The following OTOGL variants were observed in gnomAD, a reference collection of about 807,000 sequenced individuals.
OTOGL encodes otogelin like, also known as otogelin-like protein.
In OTOGL, 285 loss-of-function variants were observed where a neutral mutation model predicts 318.5. The ratio of observed to expected loss-of-function variants is 0.89; its 90% confidence interval spans 0.81 to 0.99. The LOEUF is 0.99. Ranked by LOEUF, OTOGL falls within the 50% of genes least tolerant of loss-of-function variation. OTOGL has a pLI of 0.00. For missense variants in OTOGL, 2,899 were observed against 2,845.6 expected (o/e 1.02, Z -0.43); for synonymous variants, 987 against 936.5 (o/e 1.05, Z -0.99).
chr12:80,227,550 T>A (rs1365761672), intron 7 of OTOGL, among the ~76,000 whole-genome samples: 1 of 152,208 alleles, frequency 6.6e-6, no homozygotes, highest in African/African-American at 2.4e-5. Flanking sequence ...GGGAGCTTGT[T>A]GGACTACTGT....
chr12:80,294,669 A>G (rs142199099), intron 26 of OTOGL, among the ~76,000 whole-genome samples: 5 of 152,310 alleles, frequency 3.3e-5, no homozygotes, highest in Non-Finnish European at 5.9e-5. Flanking sequence ...TTAAAAACCT[A>G]TCCTCTAGAC....
At chr12:80,288,608 C>G (rs1242776356) in intron 26 of OTOGL, among the ~76,000 whole-genome samples, 1 of 151,930 alleles carries the variant, frequency 6.6e-6, no homozygotes, top group Non-Finnish European at 1.5e-5. Flanking sequence ...ATTCTGTTTT[C>G]TCTGATCTTG....
intron 47 of OTOGL, 106 bp downstream of exon 47, chr12:80,356,054 A>T: frequency 8.0e-7 from 1 of 1,243,590 alleles, no homozygotes; most frequent in Non-Finnish European, 1.1e-6. Flanking sequence ...AAAAAGGGCC[A>T]TAAATGTCAT....
At position 80,207,205 on chromosome 12, in the gene OTOGL, A is replaced by AT. The variant is rs147539766; in HGVS notation, c.-19-2199dup. On this transcript the variant is annotated intron_variant, in intron 1 of 58. Transcript: ENST00000547103. The stretch of plus-strand genomic sequence containing the variant: ...TTTCCATATGGCTGTTATTTTTGGA[A>AT]TTTTTTTTTCTTTGATATGGAGTTT... Among the ~76,000 whole-genome samples the AT allele has an allele frequency of 4.9e-4, 74 of 151,318 alleles. No homozygotes were observed. The South Asian group carries it at 0.013, about 27-fold the overall frequency.
intron 26 of OTOGL, among the ~76,000 whole-genome samples, chr12:80,283,751 T>TAAACC (rs1884405789): frequency 6.6e-6 from 1 of 152,106 alleles, no homozygotes; most frequent in African/African-American, 2.4e-5. Context: ...ATGTGAAGTT[T>TAAACC]TTAGAGCAGC....
intron 9 of OTOGL, among the ~76,000 whole-genome samples, 162 bp from the exon 10 acceptor site, chr12:80,238,689 T>C (rs1012124718): frequency 6.6e-6 from 1 of 152,218 alleles, no homozygotes; most frequent in African/African-American, 2.4e-5. Flanking sequence ...GTTTTTATTA[T>C]GATAAAGTAA....
At chr12:80,184,749 G>A (rs1875169319) in intron 1 of OTOGL, among the ~76,000 whole-genome samples, 1 of 152,154 alleles carries the variant, frequency 6.6e-6, no homozygotes, top group African/African-American at 2.4e-5. Context: ...CATTGGTTGA[G>A]TTCATGAACA....
chr12:80,279,120 G>T lies in OTOGL; in HGVS notation c.2882G>T (p.Gly961Val). ...GACCGACATTATTATTCTTTTGATG[G>T]ACTAGAATATGACTATATCAGTGAT... ...YGDRHYYSFDGLEYDYISDCQ... is the reference protein window; with the variant it reads ...YGDRHYYSFDVLEYDYISDCQ... Residue 961 changes from glycine (G) to valine (V), a missense_variant, in exon 26 of 59, where the codon GGA becomes GTA. Physicochemically the swap from Gly to Val is moderately radical, Grantham distance 109. Coordinates refer to ENST00000547103, the MANE Select transcript of OTOGL (RefSeq NM_001378609.3). 1 of 1,594,512 alleles carries T rather than the reference G, an allele frequency of 6.3e-7. No individual in the cohort carries two copies.
chr12:80,369,446 T>C (rs570161847), intron 55 of OTOGL, among the ~76,000 whole-genome samples: 3 of 152,108 alleles, frequency 2.0e-5, no homozygotes, highest in Non-Finnish European at 2.9e-5. Context: ...ACACTTTCCT[T>C]AAGTGCTTTT....
intron 8 of OTOGL, among the ~76,000 whole-genome samples, chr12:80,230,905 C>A (rs1271874660): frequency 6.6e-6 from 1 of 152,176 alleles, no homozygotes; most frequent in Non-Finnish European, 1.5e-5. Flanking sequence ...GCCTAGGTTG[C>A]ATGCTTTTCT....
chr12:80,147,719 C>T (rs1396100568), intron 1 of OTOGL, among the ~76,000 whole-genome samples: 1 of 152,092 alleles, frequency 6.6e-6, no homozygotes, highest in Non-Finnish European at 1.5e-5. Context: ...TCAGGACCTG[C>T]TTTATGAATC....
intron 56 of OTOGL, 78 bp downstream of exon 56, chr12:80,370,767 A>T (rs1890833373): frequency 9.0e-7 from 1 of 1,111,508 alleles, no homozygotes; most frequent in South Asian, 2.0e-5. Context: ...CTAAGGTCAT[A>T]CTTTCATTGT....
intron 11 of OTOGL, among the ~76,000 whole-genome samples, chr12:80,240,807 A>C (rs923129411): frequency 2.0e-5 from 3 of 152,230 alleles, no homozygotes; most frequent in African/African-American, 4.8e-5. Context: ...TGCATAAGCA[A>C]CAAATTTAGT....
chr12:80,276,711 G>A (rs1883836229), intron 24 of OTOGL, among the ~76,000 whole-genome samples: 1 of 151,642 alleles, frequency 6.6e-6, no homozygotes. Context: ...CGAGGTCATT[G>A]TTGGTCGGAA....
At chr12:80,225,872 C>T (rs369316761) in intron 7 of OTOGL, among the ~76,000 whole-genome samples, 22 of 151,884 alleles carry the variant, frequency 1.4e-4, no homozygotes, top group South Asian at 1.0e-3. Flanking sequence ...TCTATACCCC[C>T]GACTATTTTT....
chr12:80,119,125 C>T (rs934955056), intron 1 of OTOGL, among the ~76,000 whole-genome samples: 2 of 152,102 alleles, frequency 1.3e-5, no homozygotes, highest in African/African-American at 4.8e-5. Flanking sequence ...AAGGGGCTGA[C>T]CTTTTGACCC....
intron 5 of OTOGL, among the ~76,000 whole-genome samples, chr12:80,218,704 TGAAA>T (rs1349641226): frequency 1.3e-5 from 2 of 151,914 alleles, no homozygotes; most frequent in Non-Finnish European, 1.5e-5. Context: ...TTTCTTTCTA[TGAAA>T]GAAAGAATAT....
intron 52 of OTOGL, among the ~76,000 whole-genome samples, chr12:80,364,636 T>C (rs1324123300): frequency 6.6e-6 from 1 of 152,098 alleles, no homozygotes; most frequent in East Asian, 1.9e-4. Flanking sequence ...GTATTTCTGT[T>C]CTTGGTATTT....
intron 1 of OTOGL, among the ~76,000 whole-genome samples, chr12:80,164,969 C>T: frequency 6.6e-6 from 1 of 151,928 alleles, no homozygotes; most frequent in Middle Eastern, 3.2e-3. Context: ...GGATATTCAA[C>T]AAAGATGAAT....
Sources: gnomAD v4.1 joint callset for allele counts (sites outside exome capture counted in the v4.1 genomes callset) on GRCh38, gnomAD v4.1.1 for gene constraint, MANE v1.5 for transcripts, NCBI Gene and HGNC (gene_info 2026-07-23, HGNC 2026-07-21) for gene names.